The following TRDN variants were observed in gnomAD, a reference collection of about 807,000 sequenced individuals.
TRDN encodes triadin.
Under a neutral mutation model 149.7 loss-of-function variants are expected in TRDN, and 161 were observed. The ratio of observed to expected loss-of-function variants is 1.08; its 90% CI spans 0.95 to 1.23. The LOEUF is 1.23. TRDN is among the 50% of genes most tolerant of loss of function. The pLI is 0.00. For missense variants in TRDN, 896 were observed against 823.5 expected, an observed-to-expected ratio of 1.09 and a Z score of -1.08; for synonymous variants, 294 against 250.5, an observed-to-expected ratio of 1.17 and a Z score of -1.64.
intron 22 of TRDN, among the ~76,000 whole-genome samples, chr6:123,335,552 GA>G (rs757095398): frequency 6.6e-6 from 1 of 151,836 alleles, no homozygotes; most frequent in Non-Finnish European, 1.5e-5. Flanking sequence ...GGTCAGTGTG[GA>G]TTTATTTCCT....
At chr6:123,585,093 T>C (rs1190203362) in intron 1 of TRDN, among the ~76,000 whole-genome samples, 1 of 151,152 alleles carries the variant, frequency 6.6e-6, no homozygotes, top group Non-Finnish European at 1.5e-5. Flanking sequence ...AAGGGGTGCA[T>C]GATCGGTTGC....
At chr6:123,486,667 T>C (rs976927590) in intron 9 of TRDN, among the ~76,000 whole-genome samples, 13 of 146,516 alleles carry the variant, frequency 8.9e-5, no homozygotes, top group African/African-American at 3.0e-4. Flanking sequence ...TATTAATCAT[T>C]CCTCTACTTT....
At chr6:123,581,025 C>A (rs928628210) in intron 1 of TRDN, among the ~76,000 whole-genome samples, 4 of 152,164 alleles carry the variant, frequency 2.6e-5, no homozygotes, top group African/African-American at 9.7e-5. Flanking sequence ...TCCCAACAGC[C>A]TCCCAGGCAT....
At chr6:123,497,724 A>C (rs1177602123) in intron 8 of TRDN, among the ~76,000 whole-genome samples, 3 of 152,146 alleles carry the variant, frequency 2.0e-5, no homozygotes, top group Non-Finnish European at 4.4e-5. Flanking sequence ...TCTTTTCCAA[A>C]AGACTATCAG....
Position 123,534,601 on chromosome 6 carries a change from C to G in TRDN, c.425-4036G>C, listed in dbSNP as rs144071769. ...AGGGAGGCAATGCCTGATTTGTTACCTTTGATTGCTCTTTCCAGCTAAGGC... is the reference window on the plus strand; with the variant it reads ...AGGGAGGCAATGCCTGATTTGTTACGTTTGATTGCTCTTTCCAGCTAAGGC... On this transcript the variant is annotated intron_variant, in intron 4 of 40. Coordinates refer to ENST00000334268, the MANE Select transcript of TRDN (RefSeq NM_006073.4). Among the ~76,000 whole-genome samples, 15 of 152,224 alleles carry G rather than the reference C, an allele frequency of 9.9e-5. No homozygotes were observed. The East Asian group carries it at 2.9e-3, about 29-fold the overall frequency.
intron 10 of TRDN, chr6:123,445,071 A>G (rs1361980923): frequency 6.6e-6 from 1 of 151,648 alleles, no homozygotes; most frequent in Non-Finnish European, 1.5e-5. Context: ...TTTTCTATTG[A>G]TTGGAATAGT....
chr6:123,587,798 T>G (rs1583291615), intron 1 of TRDN, among the ~76,000 whole-genome samples: 1 of 133,484 alleles, frequency 7.5e-6, no homozygotes, highest in South Asian at 2.7e-4. Flanking sequence ...GGAGTGGGGG[T>G]CACAAGGTAC....
intron 38 of TRDN, among the ~76,000 whole-genome samples, chr6:123,225,021 T>G (rs1050434659): frequency 1.3e-5 from 2 of 151,766 alleles, no homozygotes; most frequent in Non-Finnish European, 2.9e-5. Flanking sequence ...GGTTGATACC[T>G]AAAATATATA....
At chr6:123,307,116 A>G (rs1778639267) in intron 24 of TRDN, among the ~76,000 whole-genome samples, 2 of 152,116 alleles carry the variant, frequency 1.3e-5, no homozygotes, top group Admixed American at 6.6e-5. Context: ...ATAATAAGCA[A>G]GAAAACCATC....
chr6:123,266,074 TTG>T (rs1274732564), intron 32 of TRDN, among the ~76,000 whole-genome samples: 3 of 135,282 alleles, frequency 2.2e-5, no homozygotes, highest in Non-Finnish European at 4.6e-5. Context: ...TAGATACATT[TTG>T]TGTTTATATA....
chr6:123,416,169 C>G (rs954470575), intron 12 of TRDN, among the ~76,000 whole-genome samples: 1 of 152,154 alleles, frequency 6.6e-6, no homozygotes, highest in African/African-American at 2.4e-5. Context: ...ACAAAACACA[C>G]GAGAAATGTG....
chr6:123,558,296 A>G (rs1225761207), intron 2 of TRDN, among the ~76,000 whole-genome samples: 2 of 151,692 alleles, frequency 1.3e-5, no homozygotes, highest in African/African-American at 4.8e-5. Context: ...CAGGCTGCTC[A>G]TCGCCAGGCT....
intron 24 of TRDN, among the ~76,000 whole-genome samples, chr6:123,284,485 C>T (rs1374623412): frequency 2.0e-5 from 3 of 151,922 alleles, no homozygotes; most frequent in African/African-American, 7.3e-5. Context: ...TTAAAACCCT[C>T]AGCAAAATTG....
intron 30 of TRDN, 97 bp from the exon 31 acceptor site, chr6:123,269,963 G>T: frequency 1.7e-6 from 2 of 1,185,960 alleles, no homozygotes; most frequent in Non-Finnish European, 2.4e-6. Context: ...CTTAGTTTTA[G>T]GTCACCTCCT....
intron 9 of TRDN, among the ~76,000 whole-genome samples, chr6:123,472,433 G>A (rs1017990672): frequency 1.3e-5 from 2 of 152,206 alleles, no homozygotes; most frequent in Admixed American, 6.5e-5. Flanking sequence ...AGGGTCCTAC[G>A]CCCACGGAAT....
chr6:123,635,036 T>A (rs968889892), intron 1 of TRDN, among the ~76,000 whole-genome samples: 4 of 151,748 alleles, frequency 2.6e-5, no homozygotes, highest in African/African-American at 4.8e-5. Flanking sequence ...CAAAACATAA[T>A]CCACAAGCAA....
At chr6:123,606,781 C>A (rs1784548180) in intron 1 of TRDN, among the ~76,000 whole-genome samples, 1 of 152,110 alleles carries the variant, frequency 6.6e-6, no homozygotes, top group South Asian at 2.1e-4. Flanking sequence ...CATCTAGCTA[C>A]AGTTATAAAT....
intron 14 of TRDN, among the ~76,000 whole-genome samples, chr6:123,386,762 C>T (rs1392547593): frequency 2.0e-5 from 3 of 152,152 alleles, no homozygotes; most frequent in Admixed American, 1.3e-4. Context: ...TGACGTGTCC[C>T]CAACTTGTGT....
At chr6:123,287,555 C>T (rs1305950599) in intron 24 of TRDN, among the ~76,000 whole-genome samples, 9 of 152,004 alleles carry the variant, frequency 5.9e-5, no homozygotes, top group Non-Finnish European at 8.8e-5. Flanking sequence ...CTGAGTCCCA[C>T]GTAATTGTAT....
Sources: gnomAD v4.1 joint callset for allele counts (sites outside exome capture counted in the v4.1 genomes callset) on GRCh38, gnomAD v4.1.1 for gene constraint, MANE v1.5 for transcripts, NCBI Gene and HGNC (gene_info 2026-07-23, HGNC 2026-07-21) for gene names.